Variants in RBFOX1 observed in about 807,000 individuals in gnomAD.
RBFOX1 encodes RNA binding fox-1 homolog 1.
In RBFOX1, 8 loss-of-function variants were observed where a neutral mutation model predicts 57.7. The ratio of observed to expected loss-of-function variants is 0.14; its 90% CI spans 0.08 to 0.25. The LOEUF is 0.25. RBFOX1 is among the 10% of genes least tolerant of loss of function. The probability of loss-of-function intolerance (pLI) is 1.00; values close to 1 mark genes in which losing one functional copy is unlikely to be tolerated. For synonymous variants in RBFOX1, 326 were observed against 222.4 expected (o/e 1.47, Z -4.15); for missense variants, 611 against 548.5 (o/e 1.11, Z -1.14).
At chr16:7,195,751 C>T (rs779913189) in intron 4 of RBFOX1, among the ~76,000 whole-genome samples, 1 of 152,124 alleles carries the variant, frequency 6.6e-6, no homozygotes, top group African/African-American at 2.4e-5. Context: ...CGGGATTTCA[C>T]CGTGTTGGCC....
chr16:5,956,483 G>C (rs1044137859), intron 4 of RBFOX1, among the ~76,000 whole-genome samples: 1 of 151,486 alleles, frequency 6.6e-6, no homozygotes, highest in African/African-American at 2.4e-5. Context: ...AAATTTACAT[G>C]AATGCCCTGG....
At chr16:7,369,942 C>G (rs2097536996) in intron 4 of RBFOX1, among the ~76,000 whole-genome samples, 1 of 152,190 alleles carries the variant, frequency 6.6e-6, no homozygotes, top group South Asian at 2.1e-4. Flanking sequence ...AACGGGCTTG[C>G]TTGAAGCCAC....
At chr16:5,584,368 T>G (rs1295885509) in intron 2 of RBFOX1, among the ~76,000 whole-genome samples, 1 of 152,208 alleles carries the variant, frequency 6.6e-6, no homozygotes, top group Non-Finnish European at 1.5e-5. Context: ...AGTTTCATCT[T>G]GCATCACTAA....
intron 2 of RBFOX1, among the ~76,000 whole-genome samples, chr16:6,371,690 C>T (rs542981509): frequency 4.6e-5 from 7 of 152,076 alleles, no homozygotes; most frequent in South Asian, 2.1e-4. Flanking sequence ...AAGTTCTGGG[C>T]GATTATGGCT....
chr16:7,213,942 A>T (rs1186070298), intron 4 of RBFOX1, among the ~76,000 whole-genome samples: 1 of 52,034 alleles, frequency 1.9e-5, no homozygotes, highest in Non-Finnish European at 4.7e-5. Flanking sequence ...GGTTGTTAAG[A>T]ACTAAAATAT....
chr16:7,711,471 G>A lies in RBFOX1; in HGVS notation c.*726G>A, dbSNP rs528131937. 6.6e-6 allele frequency: 1 copy of A among 152,378 alleles called. No homozygotes were observed. The highest frequency in any genetic ancestry group is 2.4e-5 in the African/African-American group (1 of 41,338). 9.4% of individuals were successfully genotyped at this position (152,378 alleles called of 1,614,324 possible). ...TTAGGAAAAAAAACCCACTAGTTAG[G>A]CCATCAACAAGCATTCTTTTTATAT... On this transcript the variant is annotated 3_prime_UTR_variant, in exon 16 of 16. Coordinates refer to ENST00000550418, the MANE Select transcript of RBFOX1 (RefSeq NM_018723.4).
rs12921666 is a variant in RBFOX1 at position 6,426,642 on chromosome 16, C to G, written c.-64+109585C>G. On this transcript the variant is annotated intron_variant, in intron 2 of 15. Transcript: ENST00000550418. ...CGACACCTTGTCTCAAAAATCAAAA[C>G]AAACCTACTCCTTCTCACAGGCACA... Among the ~76,000 whole-genome samples, 1,220 of 152,238 alleles carry G rather than the reference C, an allele frequency of 8.0e-3. 8 individuals are homozygous for G. Among genetic ancestry groups the G allele is most frequent in the Non-Finnish European group, 0.014 (935 of 68,006 alleles).
intron 2 of RBFOX1, among the ~76,000 whole-genome samples, chr16:5,509,568 A>T (rs554281766): frequency 1.3e-5 from 2 of 152,334 alleles, no homozygotes; most frequent in Admixed American, 1.3e-4. Flanking sequence ...AGGTGTTGTT[A>T]GAGTCTTTGT....
chr16:6,840,247 C>G (rs1013014631), intron 3 of RBFOX1, among the ~76,000 whole-genome samples: 1 of 152,106 alleles, frequency 6.6e-6, no homozygotes, highest in African/African-American at 2.4e-5. Flanking sequence ...CTTTGTCCAT[C>G]TTTTAGTCAC....
intron 2 of RBFOX1, among the ~76,000 whole-genome samples, chr16:6,595,032 C>G (rs533412113): frequency 6.6e-6 from 1 of 152,298 alleles, no homozygotes; most frequent in Non-Finnish European, 1.5e-5. Context: ...CGTTATCCAC[C>G]CGCCTCTGCC....
chr16:6,998,782 C>T (rs191370872), intron 3 of RBFOX1, among the ~76,000 whole-genome samples: 11 of 152,178 alleles, frequency 7.2e-5, no homozygotes, highest in Non-Finnish European at 1.3e-4. Context: ...TTATTACAGA[C>T]TCCAGTCTAA....
At chr16:6,703,720 G>A (rs987249022) in intron 3 of RBFOX1, among the ~76,000 whole-genome samples, 5 of 147,338 alleles carry the variant, frequency 3.4e-5, no homozygotes, top group Non-Finnish European at 6.2e-5. Flanking sequence ...AGAAAAAAAA[G>A]AAAAGAAAAA....
intron 1 of RBFOX1, among the ~76,000 whole-genome samples, chr16:5,264,093 C>T (rs562734604): frequency 6.6e-6 from 1 of 151,980 alleles, no homozygotes; most frequent in Admixed American, 6.6e-5. Flanking sequence ...CCAGGCTGAG[C>T]AGGAAGGTAA....
At chr16:6,015,744 C>T (rs4786802), upstream of RBFOX1, among the ~76,000 whole-genome samples, 44,253 of 152,186 alleles carry the variant, frequency 0.29, 6,746 homozygotes, top group East Asian at 0.41. Flanking sequence ...TATTTAGACA[C>T]GATCTTCTCT....
chr16:6,865,214 G>T (rs758641619), intron 3 of RBFOX1, among the ~76,000 whole-genome samples: 6 of 151,846 alleles, frequency 4.0e-5, no homozygotes, highest in African/African-American at 1.2e-4. Context: ...TGTTGGCCAG[G>T]CTGGTCTCGA....
chr16:5,662,293 T>C (rs1220355311), intron 3 of RBFOX1, among the ~76,000 whole-genome samples: 2 of 152,182 alleles, frequency 1.3e-5, no homozygotes. Flanking sequence ...TTAGAACATA[T>C]TGAAGAGCTT....
intron 1 of RBFOX1, among the ~76,000 whole-genome samples, chr16:5,285,915 G>A (rs2063383033): frequency 6.6e-6 from 1 of 152,148 alleles, no homozygotes; most frequent in African/African-American, 2.4e-5. Context: ...GGGACTACAG[G>A]CGCCTGCCAC....
At chr16:6,913,333 A>C (rs1016880099) in intron 3 of RBFOX1, among the ~76,000 whole-genome samples, 2 of 152,018 alleles carry the variant, frequency 1.3e-5, no homozygotes, top group African/African-American at 4.8e-5. Context: ...GGATAAGGAG[A>C]ATGGTCCCAT....
intron 3 of RBFOX1, among the ~76,000 whole-genome samples, chr16:6,674,918 T>A (rs1417948510): frequency 6.6e-6 from 1 of 152,100 alleles, no homozygotes; most frequent in South Asian, 2.1e-4. Context: ...GTTTGTCTTT[T>A]GTTTTTTGAC....
Sources: allele counts gnomAD v4.1 joint callset (sites outside exome capture counted in the v4.1 genomes callset), GRCh38; gene constraint gnomAD v4.1.1; transcripts MANE v1.5; gene names NCBI Gene and HGNC (gene_info 2026-07-23, HGNC 2026-07-21).